Variants in MAP4 observed in about 807,000 individuals in gnomAD.
MAP4 encodes the protein microtubule-associated protein 4.
Under a neutral mutation model 170.2 loss-of-function variants are expected in MAP4, and 76 were observed. The ratio of observed to expected loss-of-function variants is 0.45; its 90% CI spans 0.37 to 0.54. The LOEUF (loss-of-function observed/expected upper bound fraction) is 0.54. Among genes scored for constraint, MAP4 ranks in the 20% least tolerant of loss-of-function variants. The pLI, the probability that MAP4 is intolerant of heterozygous loss-of-function variation, is 0.00. For synonymous variants in MAP4, 909 were observed against 994.5 expected (o/e 0.91, Z 1.62); for missense variants, 2,506 against 2,748.0 (o/e 0.91, Z 1.97).
intron 3 of MAP4, among the ~76,000 whole-genome samples, chr3:47,947,804 C>CAAAAAAAAAAAA (rs554803000): frequency 2.0e-5 from 1 of 50,438 alleles, no homozygotes; most frequent in Non-Finnish European, 4.1e-5. Context: ...GAGAGAGTCT[C>CAAAAAAAAAAAA]AAAAAAAAAA....
intron 1 of MAP4, among the ~76,000 whole-genome samples, chr3:48,025,417 T>G (rs964259284): frequency 6.6e-6 from 1 of 151,526 alleles, no homozygotes; most frequent in African/African-American, 2.4e-5. Flanking sequence ...GCCTCCCAAG[T>G]AGCGGGCAGT....
In MAP4 at chr3:47,921,810, T is replaced by G; in HGVS notation, c.484A>C (p.Thr162Pro). Residue 162 changes from threonine to proline, a missense_variant, in exon 5 of 21, where the codon ACT becomes CCT. Physicochemically the swap from Thr to Pro is conservative, Grantham distance 38. Transcript: ENST00000683076. Reference sequence around the variant, plus strand: ...TCATTTTGTCCTGCAAATATTGAAGTATCAGCTGTCGCACTGGAGGGAAAG... The same window carrying G: ...TCATTTTGTCCTGCAAATATTGAAGGATCAGCTGTCGCACTGGAGGGAAAG... ...LVFPSSATAD[T>P]SIFAGQNDPL... 1 of 1,612,000 alleles carries G rather than the reference T, an allele frequency of 6.2e-7. No individual in the cohort carries two copies. Among genetic ancestry groups the G allele is most frequent in the Non-Finnish European group, 8.5e-7 (1 of 1,178,052 alleles).
At chr3:47,976,075 C>G (rs2100081985) in intron 3 of MAP4, among the ~76,000 whole-genome samples, 1 of 152,204 alleles carries the variant, frequency 6.6e-6, no homozygotes, top group African/African-American at 2.4e-5. Context: ...CAGGCGTGAG[C>G]CACCGCGCCC....
chr3:47,950,093 C>T (rs1452070226), intron 3 of MAP4, among the ~76,000 whole-genome samples: 2 of 152,210 alleles, frequency 1.3e-5, no homozygotes, highest in Non-Finnish European at 1.5e-5. Flanking sequence ...TCTGAATCTC[C>T]GCCTTGGGTA....
intron 10 of MAP4, among the ~76,000 whole-genome samples, chr3:47,899,507 T>G (rs2100028885): frequency 6.6e-6 from 1 of 152,218 alleles, no homozygotes; most frequent in Non-Finnish European, 1.5e-5. Context: ...TCCTGAGTTC[T>G]TTATATTATC....
chr3:48,024,030 G>T (rs1210080496), intron 1 of MAP4, among the ~76,000 whole-genome samples: 1 of 152,172 alleles, frequency 6.6e-6, no homozygotes, highest in Non-Finnish European at 1.5e-5. Context: ...TCAAAAAATG[G>T]GCCAGGTGCA....
At chr3:47,952,129 A>G (rs1402953840) in intron 3 of MAP4, among the ~76,000 whole-genome samples, 1 of 132,238 alleles carries the variant, frequency 7.6e-6, no homozygotes, top group African/African-American at 2.9e-5. Flanking sequence ...GCCCCGTCTG[A>G]GAAGTGAGGA....
chr3:48,064,445 C>G (rs567275178), intron 1 of MAP4, among the ~76,000 whole-genome samples: 2 of 152,268 alleles, frequency 1.3e-5, no homozygotes, highest in Admixed American at 1.3e-4. Context: ...TGGTCCCCTA[C>G]CCACAAAATT....
intron 1 of MAP4, among the ~76,000 whole-genome samples, chr3:48,040,824 G>A (rs1304814500): frequency 6.6e-6 from 1 of 152,082 alleles, no homozygotes; most frequent in African/African-American, 2.4e-5. Context: ...GCCTCCCAAA[G>A]TGCTGGGATT....
At position 47,881,931 on chromosome 3, in the gene MAP4, T is replaced by C. The variant is rs116665279; in HGVS notation, c.5435-4408A>G. ...GAGTCATTTTTTAAAAATAATATACTCTTCCAATCTTTGTCTTTTAATTGT... is the reference window on the plus strand; with the variant it reads ...GAGTCATTTTTTAAAAATAATATACCCTTCCAATCTTTGTCTTTTAATTGT... On this transcript the variant is annotated intron_variant, in intron 10 of 20. Coordinates refer to ENST00000683076, the MANE Select transcript of MAP4 (RefSeq NM_001385682.1). 4.4e-3 allele frequency among the ~76,000 whole-genome samples: 677 copies of C among 152,274 alleles called. 5 individuals carry two copies. The highest frequency in any genetic ancestry group is 0.032 in the South Asian group (154 of 4,826).
intron 1 of MAP4, among the ~76,000 whole-genome samples, chr3:48,044,190 T>C (rs1206668766): frequency 2.7e-5 from 4 of 149,852 alleles, no homozygotes; most frequent in African/African-American, 9.8e-5. Flanking sequence ...AGTCTCACTC[T>C]GTTGCCCAGG....
chr3:47,858,462 T>A (rs552580657), intron 17 of MAP4, among the ~76,000 whole-genome samples: 1 of 152,206 alleles, frequency 6.6e-6, no homozygotes, highest in South Asian at 2.1e-4. Context: ...AAGGCTCCCA[T>A]GAAATATCCC....
At position 48,052,220 on chromosome 3, in the gene MAP4, T is replaced by C. The variant is rs58495113; in HGVS notation, c.-20+36553A>G. Among the ~76,000 whole-genome samples, 613 of 152,024 alleles carry C rather than the reference T, an allele frequency of 4.0e-3. 6 individuals carry two copies. Among genetic ancestry groups the C allele is most frequent in the African/African-American group, 0.014 (594 of 41,460 alleles). On this transcript the variant is annotated intron_variant, in intron 1 of 18. Coordinates refer to the MAP4 transcript ENST00000360240. Reference sequence around the variant, plus strand: ...GAGTAGCTAAGGAGAACAGGGTGGGTTTTTTTGTTTTTGTTTTTTGAGACA... The same window carrying C: ...GAGTAGCTAAGGAGAACAGGGTGGGCTTTTTTGTTTTTGTTTTTTGAGACA...
At chr3:47,862,284 CA>C (rs1257353977) in intron 17 of MAP4, among the ~76,000 whole-genome samples, 3 of 112,768 alleles carry the variant, frequency 2.7e-5, no homozygotes, top group African/African-American at 1.0e-4. Context: ...GCTATTTATA[CA>C]AAAATATGAT....
chr3:47,864,557 G>C (rs997920564), intron 17 of MAP4, among the ~76,000 whole-genome samples: 2 of 152,060 alleles, frequency 1.3e-5, no homozygotes, highest in African/African-American at 4.8e-5. Context: ...GGCGCCTGTA[G>C]TCCCAGCTAC....
At chr3:47,890,232 G>A (rs1296452589) in intron 10 of MAP4, among the ~76,000 whole-genome samples, 1 of 152,070 alleles carries the variant, frequency 6.6e-6, no homozygotes, top group African/African-American at 2.4e-5. Flanking sequence ...ATGGGAGATG[G>A]GGAAGAAAAG....
chr3:47,877,678 A>G (rs574200069), intron 10 of MAP4, 155 bp from the exon 11 acceptor site: 2 of 543,070 alleles, frequency 3.7e-6, no homozygotes, highest in Non-Finnish European at 6.5e-6. Flanking sequence ...AAGCCTCCCA[A>G]GTTCTCATTG....
chr3:47,919,039 C>T (rs1480954789), intron 5 of MAP4, among the ~76,000 whole-genome samples, 198 bp from the exon 6 acceptor site: 1 of 152,006 alleles, frequency 6.6e-6, no homozygotes, highest in African/African-American at 2.4e-5. Context: ...TCACGCCATT[C>T]TCCTGCCTCA....
intron 1 of MAP4, among the ~76,000 whole-genome samples, chr3:48,083,966 C>A (rs987587172): frequency 6.6e-6 from 1 of 151,888 alleles, no homozygotes; most frequent in African/African-American, 2.4e-5. Flanking sequence ...CTCAAGTGAT[C>A]CCCCTGCCTC....
Sources: gnomAD v4.1 joint callset for allele counts (sites outside exome capture counted in the v4.1 genomes callset) on GRCh38, gnomAD v4.1.1 for gene constraint, MANE v1.5 for transcripts, NCBI Gene and HGNC (gene_info 2026-07-23, HGNC 2026-07-21) for gene names.